SRGAP3: variants seen among roughly 807,000 people sequenced by gnomAD.
SRGAP3 encodes the protein SLIT-ROBO Rho GTPase-activating protein 3.
In SRGAP3, 39 loss-of-function variants were observed where a neutral mutation model predicts 121.1. The ratio of observed to expected loss-of-function variants is 0.32; its 90% CI spans 0.25 to 0.42. SRGAP3 has a LOEUF of 0.42. SRGAP3 is among the 10% of genes least tolerant of loss of function. The pLI, the probability that SRGAP3 is intolerant of heterozygous loss-of-function variation, is 1.00. For missense variants in SRGAP3, 1,213 were observed against 1,470.6 expected, an observed-to-expected ratio of 0.82 and a Z score of 2.86; for synonymous variants, 601 against 570.0, an observed-to-expected ratio of 1.05 and a Z score of -0.77.
At chr3:9,147,184 C>T (rs1198153057) in intron 1 of SRGAP3, among the ~76,000 whole-genome samples, 1 of 152,162 alleles carries the variant, frequency 6.6e-6, no homozygotes, top group Non-Finnish European at 1.5e-5. Flanking sequence ...TTACTTCTTA[C>T]TTTTGCAGAA....
intron 1 of SRGAP3, among the ~76,000 whole-genome samples, chr3:9,195,023 G>A (rs554253549): frequency 1.7e-4 from 26 of 152,230 alleles, no homozygotes; most frequent in Admixed American, 5.9e-4. Context: ...GGTAGGAGGA[G>A]CCCTGGCTTG....
chr3:9,348,661 T>G (rs2728938), intron 1 of SRGAP3: 1 of 1,078,406 alleles, frequency 9.3e-7, no homozygotes, highest in Non-Finnish European at 1.4e-6. Flanking sequence ...CTAGATGCCA[T>G]TGATCAGACG....
intron 1 of SRGAP3, among the ~76,000 whole-genome samples, chr3:9,186,821 C>T (rs17050148): frequency 0.02 from 3,019 of 152,200 alleles, 115 homozygotes; most frequent in African/African-American, 0.069. Context: ...GAATAAACAT[C>T]GGGGGCATCT....
chr3:8,985,155 C>G lies in SRGAP3; in HGVS notation c.*364G>C, dbSNP rs531838303. On this transcript the variant is annotated 3_prime_UTR_variant, in exon 22 of 22. Coordinates refer to ENST00000383836, the MANE Select transcript of SRGAP3 (RefSeq NM_014850.4). The surrounding 1 kb of genome is among the most constrained non-coding windows in gnomAD (Gnocchi z 5.1). The stretch of plus-strand genomic sequence containing the variant: ...ATACGTATACATGTGTATATATGCA[C>G]ACATCGATATACACACACATATACG... 10 of 366,688 alleles carry G rather than the reference C, an allele frequency of 2.7e-5. No homozygotes were observed. The East Asian group carries it at 4.2e-4, about 15-fold the overall frequency. 22.7% of individuals were successfully genotyped at this position (366,688 alleles called of 1,614,324 possible). A position where few individuals can be genotyped will look rare whatever the true frequency, so the allele number is the denominator to read the frequency against.
At chr3:9,341,718 T>G (rs963194114) in intron 1 of SRGAP3, among the ~76,000 whole-genome samples, 4 of 152,118 alleles carry the variant, frequency 2.6e-5, no homozygotes, top group African/African-American at 9.7e-5. Context: ...AGGCTGGTCT[T>G]GAACTCCTGA....
chr3:9,197,647 G>A (rs7645031), intron 1 of SRGAP3, among the ~76,000 whole-genome samples: 119 of 152,340 alleles, frequency 7.8e-4, no homozygotes, highest in African/African-American at 2.8e-3. Context: ...GTCTATAGTT[G>A]TGAGTGGCTC....
intron 19 of SRGAP3, 74 bp from the exon 20 acceptor site, chr3:8,993,129 G>C: frequency 6.2e-7 from 1 of 1,601,348 alleles, no homozygotes; most frequent in Non-Finnish European, 8.5e-7. Context: ...TCCCTGATAT[G>C]TGTCTGAGGG....
At chr3:9,163,746 G>C (rs1201387807) in intron 1 of SRGAP3, among the ~76,000 whole-genome samples, 1 of 152,130 alleles carries the variant, frequency 6.6e-6, no homozygotes, top group Non-Finnish European at 1.5e-5. Flanking sequence ...GTCAGGGCTG[G>C]GGTGAGTCAG....
chr3:8,997,918 TCACC>T (rs1177833991), intron 18 of SRGAP3, among the ~76,000 whole-genome samples: 1 of 151,860 alleles, frequency 6.6e-6, no homozygotes, highest in Non-Finnish European at 1.5e-5. Context: ...TCTCACTCTG[TCACC>T]CAGGCTGGAG....
chr3:9,073,808 G>A (rs1239452759), intron 4 of SRGAP3, among the ~76,000 whole-genome samples: 1 of 152,230 alleles, frequency 6.6e-6, no homozygotes, highest in African/African-American at 2.4e-5. Flanking sequence ...AGTAAGTACA[G>A]TTGTCACCAC....
At chr3:9,219,402 C>G (rs1361535920) in intron 1 of SRGAP3, 2 of 152,066 alleles carry the variant, frequency 1.3e-5, no homozygotes, top group Admixed American at 1.3e-4. Flanking sequence ...TCAGTGTAAT[C>G]AGGTATGTAC....
At chr3:9,066,410 T>C (rs1946432045) in intron 4 of SRGAP3, among the ~76,000 whole-genome samples, 1 of 152,232 alleles carries the variant, frequency 6.6e-6, no homozygotes, top group Non-Finnish European at 1.5e-5. Flanking sequence ...GTCAGAGAAC[T>C]CAGAATGAAT....
At position 9,249,380 on chromosome 3, in the gene SRGAP3, A is replaced by C; in HGVS notation, c.-429T>G. Reference sequence around the variant, plus strand: ...TGTGCACACAGGCATACACACACACACCCTCACACGCACACACACTCGCTG... The same window carrying C: ...TGTGCACACAGGCATACACACACACCCCCTCACACGCACACACACTCGCTG... On this transcript the variant is annotated 5_prime_UTR_variant, in exon 1 of 22. Transcript: ENST00000383836. The C allele has an allele frequency of 3.2e-6, 1 of 314,466 alleles. No individual in the cohort carries two copies. Among genetic ancestry groups the C allele is most frequent in the South Asian group, 5.4e-5 (1 of 18,370 alleles). The allele number at this position is 314,466 out of a possible 1,614,324, so 19.5% of individuals were successfully genotyped here.
At chr3:9,089,941 G>C (rs543126056) in intron 3 of SRGAP3, among the ~76,000 whole-genome samples, 4 of 152,156 alleles carry the variant, frequency 2.6e-5, no homozygotes, top group Admixed American at 6.6e-5. Context: ...GTCTTCAGGA[G>C]TCTTGCACTG....
intron 5 of SRGAP3, among the ~76,000 whole-genome samples, chr3:9,063,817 A>C (rs1387489678): frequency 6.6e-6 from 1 of 152,036 alleles, no homozygotes; most frequent in African/African-American, 2.4e-5. Flanking sequence ...AGCTCATTTG[A>C]CTCCAAAGCT....
At chr3:9,252,757 G>A (rs540199718), upstream of SRGAP3, among the ~76,000 whole-genome samples, 9 of 151,998 alleles carry the variant, frequency 5.9e-5, no homozygotes, top group Non-Finnish European at 1.0e-4. Flanking sequence ...CCTCCTCTGT[G>A]AGCCCACTTT....
chr3:9,074,366 C>T (rs1209192938), intron 4 of SRGAP3, among the ~76,000 whole-genome samples: 1 of 152,210 alleles, frequency 6.6e-6, no homozygotes, highest in African/African-American at 2.4e-5. Context: ...CTGGCAGCAG[C>T]CCCATGTTCC....
intron 1 of SRGAP3, among the ~76,000 whole-genome samples, chr3:9,131,564 A>G (rs751272027): frequency 2.2e-4 from 32 of 145,448 alleles, no homozygotes; most frequent in Non-Finnish European, 7.4e-5. Flanking sequence ...TCAGCTTCCC[A>G]AGTAGCTGGG....
At chr3:9,181,691 C>T (rs1398029967) in intron 1 of SRGAP3, among the ~76,000 whole-genome samples, 2 of 152,176 alleles carry the variant, frequency 1.3e-5, no homozygotes, top group Admixed American at 1.3e-4. Flanking sequence ...CTTCTGGTGC[C>T]CCCGCTCTTC....
Sources: allele counts gnomAD v4.1 joint callset (sites outside exome capture counted in the v4.1 genomes callset), GRCh38; gene constraint gnomAD v4.1.1; non-coding constraint Gnocchi (gnomAD v3.1); transcripts MANE v1.5; gene names NCBI Gene and HGNC (gene_info 2026-07-23, HGNC 2026-07-21).